ITGBL1: variants seen among roughly 807,000 people sequenced by gnomAD.
ITGBL1 encodes the protein integrin beta-like protein 1.
In ITGBL1, 51 loss-of-function variants were observed where a neutral mutation model predicts 68.5. The observed-to-expected ratio is 0.74, with a 90% CI of 0.59 to 0.94. The LOEUF (loss-of-function observed/expected upper bound fraction) is 0.94. Among genes scored for constraint, ITGBL1 ranks in the 40% least tolerant of loss-of-function variants. The probability of loss-of-function intolerance (pLI) is 0.00; values close to 1 mark genes in which losing one functional copy is unlikely to be tolerated. For synonymous variants in ITGBL1, 209 were observed against 227.3 expected (o/e 0.92, Z 0.72); for missense variants, 649 against 647.4 (o/e 1.00, Z -0.03).
chr13:101,492,262 A>T (rs1394015994), intron 2 of ITGBL1, among the ~76,000 whole-genome samples: 1 of 152,186 alleles, frequency 6.6e-6, no homozygotes, highest in East Asian at 1.9e-4. Context: ...GAGGTGTCTG[A>T]AATAAATGCA....
chr13:101,538,864 T>G (rs918211266), intron 2 of ITGBL1, among the ~76,000 whole-genome samples: 25 of 152,030 alleles, frequency 1.6e-4, no homozygotes, highest in Non-Finnish European at 3.5e-4. Context: ...TTTATAGTCA[T>G]TATTTTACAT....
At chr13:101,624,104 T>C (rs1195236968) in intron 7 of ITGBL1, among the ~76,000 whole-genome samples, 1 of 152,170 alleles carries the variant, frequency 6.6e-6, no homozygotes, top group African/African-American at 2.4e-5. Context: ...TAGGTTGCTT[T>C]GGAGAGTGAG....
At chr13:101,590,323 C>CTTAA (rs1190593238) in intron 6 of ITGBL1, among the ~76,000 whole-genome samples, 1 of 152,184 alleles carries the variant, frequency 6.6e-6, no homozygotes, top group Non-Finnish European at 1.5e-5. Flanking sequence ...GACTATGCAA[C>CTTAA]TTAAGAACGT....
At chr13:101,590,841 T>C (rs1162616937) in intron 6 of ITGBL1, among the ~76,000 whole-genome samples, 1 of 152,136 alleles carries the variant, frequency 6.6e-6, no homozygotes, top group East Asian at 1.9e-4. Context: ...CCAATGTAGA[T>C]CTGTTTGCAA....
chr13:101,453,009 C>T (rs2048185982), intron 1 of ITGBL1, 78 bp downstream of exon 1: 1 of 1,167,056 alleles, frequency 8.6e-7, no homozygotes, highest in African/African-American at 1.5e-5. Context: ...GATGGCTGCC[C>T]TAAGCCAAGA....
intron 8 of ITGBL1, among the ~76,000 whole-genome samples, chr13:101,695,468 A>T (rs1211275159): frequency 6.6e-6 from 1 of 152,244 alleles, no homozygotes; most frequent in African/African-American, 2.4e-5. Context: ...AGGTGACAGG[A>T]AACCAAAGGA....
At chr13:101,453,213 A>G (rs1233526072) in intron 1 of ITGBL1, among the ~76,000 whole-genome samples, 3 of 152,190 alleles carry the variant, frequency 2.0e-5, no homozygotes, top group African/African-American at 7.2e-5. Context: ...TTAAAATGCT[A>G]TGTGTACCAG....
intron 8 of ITGBL1, among the ~76,000 whole-genome samples, chr13:101,699,844 A>G (rs1421671505): frequency 6.6e-6 from 1 of 152,194 alleles, no homozygotes; most frequent in East Asian, 1.9e-4. Flanking sequence ...GAATAAAACT[A>G]CTTCTATGGT....
chr13:101,571,271 T>G (rs1381526342), intron 3 of ITGBL1, among the ~76,000 whole-genome samples: 1 of 152,100 alleles, frequency 6.6e-6, no homozygotes, highest in Non-Finnish European at 1.5e-5. Flanking sequence ...CAAGCAAATG[T>G]ACCAAAAGAG....
downstream of ITGBL1, chr13:101,719,098 G>A (rs1317618800): frequency 6.6e-6 from 1 of 152,094 alleles, no homozygotes; most frequent in African/African-American, 2.4e-5. Flanking sequence ...AGTCAATGTG[G>A]TCTCTTTTTG....
At chr13:101,688,348 A>C (rs1282944563) in intron 7 of ITGBL1, among the ~76,000 whole-genome samples, 2 of 152,160 alleles carry the variant, frequency 1.3e-5, no homozygotes, top group East Asian at 3.9e-4. Flanking sequence ...CCAACCTGGG[A>C]TGGCAAGGAA....
intron 2 of ITGBL1, among the ~76,000 whole-genome samples, chr13:101,500,227 G>A (rs1331860369): frequency 6.6e-6 from 1 of 152,094 alleles, no homozygotes; most frequent in Non-Finnish European, 1.5e-5. Flanking sequence ...AATATATTAT[G>A]CAGTATCTCT....
At chr13:101,585,523 C>T (rs572597429) in intron 6 of ITGBL1, among the ~76,000 whole-genome samples, 1 of 152,252 alleles carries the variant, frequency 6.6e-6, no homozygotes, top group South Asian at 2.1e-4. Context: ...CTCCACCTCC[C>T]AGGTTCACAC....
At chr13:101,493,365 C>T (rs1321185076) in intron 2 of ITGBL1, among the ~76,000 whole-genome samples, 4 of 151,660 alleles carry the variant, frequency 2.6e-5, no homozygotes, top group South Asian at 2.1e-4. Context: ...AAAGCTATTT[C>T]GATTACATAG....
chr13:101,607,251 T>C (rs375337574), intron 7 of ITGBL1, among the ~76,000 whole-genome samples: 5 of 152,032 alleles, frequency 3.3e-5, no homozygotes, highest in Non-Finnish European at 7.4e-5. Context: ...AAATTAGATA[T>C]CTGAACAGTT....
intron 2 of ITGBL1, among the ~76,000 whole-genome samples, chr13:101,466,577 T>C (rs1232939302): frequency 2.0e-5 from 3 of 152,236 alleles, no homozygotes; most frequent in Non-Finnish European, 2.9e-5. Flanking sequence ...TAGTTAGATC[T>C]TAACATCACT....
chr13:101,699,249 C>T (rs2034074809), intron 8 of ITGBL1, among the ~76,000 whole-genome samples: 1 of 152,194 alleles, frequency 6.6e-6, no homozygotes, highest in African/African-American at 2.4e-5. Flanking sequence ...GACACAAATA[C>T]TGAGTCTTCA....
intron 5 of ITGBL1, among the ~76,000 whole-genome samples, chr13:101,582,774 C>T (rs910388660): frequency 2.6e-5 from 4 of 152,158 alleles, no homozygotes; most frequent in African/African-American, 9.7e-5. Flanking sequence ...CTGCTAATTA[C>T]TCCAACACTC....
chr13:101,507,931 T>C (rs2049052202), intron 2 of ITGBL1, among the ~76,000 whole-genome samples: 1 of 152,100 alleles, frequency 6.6e-6, no homozygotes, highest in South Asian at 2.1e-4. Context: ...CACCAAACCT[T>C]TTCTTGTGTA....
Sources: allele counts gnomAD v4.1 joint callset (sites outside exome capture counted in the v4.1 genomes callset), GRCh38; gene constraint gnomAD v4.1.1; transcripts MANE v1.5; gene names NCBI Gene and HGNC (gene_info 2026-07-23, HGNC 2026-07-21).